Variants in FAM149A observed in about 807,000 individuals in gnomAD.
FAM149A encodes the protein family with sequence similarity 149 member A.
A neutral mutation model predicts 78.2 loss-of-function variants in FAM149A; 71 were observed. The ratio of observed to expected loss-of-function variants is 0.91; its 90% CI spans 0.75 to 1.11. The LOEUF (loss-of-function observed/expected upper bound fraction) is 1.11. Among genes scored for constraint, FAM149A ranks in the 50% least tolerant of loss-of-function variants. FAM149A has a pLI of 0.00. For synonymous variants in FAM149A, 446 were observed against 410.5 expected, an observed-to-expected ratio of 1.09 and a Z score of -1.04; for missense variants, 1,036 against 971.0, an observed-to-expected ratio of 1.07 and a Z score of -0.89.
intron 1 of FAM149A, among the ~76,000 whole-genome samples, chr4:186,129,747 A>G (rs2099319779): frequency 6.6e-6 from 1 of 152,130 alleles, no homozygotes; most frequent in Non-Finnish European, 1.5e-5. Flanking sequence ...AGCTGCAAGC[A>G]ACGACTCTGT....
intron 8 of FAM149A, among the ~76,000 whole-genome samples, chr4:186,160,256 A>C (rs1277125851): frequency 7.2e-6 from 1 of 139,316 alleles, no homozygotes; most frequent in Non-Finnish European, 1.5e-5. Context: ...TCACACACAC[A>C]CTGCACACAC....
intron 1 of FAM149A, among the ~76,000 whole-genome samples, chr4:186,147,263 G>A (rs957449801): frequency 1.6e-4 from 25 of 152,302 alleles, no homozygotes; most frequent in Non-Finnish European, 2.2e-4. Context: ...GACACCTGTA[G>A]TCCCAGCTAC....
intron 5 of FAM149A, 124 bp from the exon 6 acceptor site, chr4:186,154,344 C>G: frequency 2.7e-6 from 2 of 751,524 alleles, no homozygotes; most frequent in Non-Finnish European, 4.0e-6. Flanking sequence ...ATGTAATATT[C>G]AACCGTTTTG....
At chr4:186,127,273 C>T (rs1283577036) in intron 1 of FAM149A, 10 of 979,078 alleles carry the variant, frequency 1.0e-5, no homozygotes, top group Non-Finnish European at 1.2e-5. Context: ...GCTTCGGTTT[C>T]TTCCGGAGAG....
In FAM149A at chr4:186,109,549, C is replaced by T. The variant is rs992160553; in HGVS notation, c.566+3907C>T. ...GCTGAGTAATTCTGGGCAGGTCATTCATTTCTTCCCTAGCTGTAGTTTTTC... is the reference window on the plus strand; with the variant it reads ...GCTGAGTAATTCTGGGCAGGTCATTTATTTCTTCCCTAGCTGTAGTTTTTC... On this transcript the variant is annotated intron_variant, in intron 1 of 13. Coordinates refer to ENST00000389354, the MANE Select transcript of FAM149A (RefSeq NM_001367768.3). The T allele has an allele frequency of 1.7e-5, 17 of 985,264 alleles. 1 individual carries two copies. The highest frequency in any genetic ancestry group is 2.0e-5 in the Non-Finnish European group (17 of 829,926). 61.0% of individuals were successfully genotyped at this position (985,264 alleles called of 1,614,324 possible).
At chr4:186,129,960 G>A (rs978068336) in intron 1 of FAM149A, 1 of 152,148 alleles carries the variant, frequency 6.6e-6, no homozygotes, top group African/African-American at 2.4e-5. Flanking sequence ...CACTCTGTGA[G>A]AAGATATAAG....
chr4:186,166,842 A>T (rs1735072199), intron 11 of FAM149A, 126 bp from the exon 12 acceptor site: 1 of 792,824 alleles, frequency 1.3e-6, no homozygotes, highest in East Asian at 2.6e-5. Context: ...AGGAGACCTG[A>T]TCCTTAGTAA....
chr4:186,170,653 AG>A (rs1343760612), intron 13 of FAM149A, among the ~76,000 whole-genome samples: 2 of 152,204 alleles, frequency 1.3e-5, no homozygotes, highest in African/African-American at 4.8e-5. Flanking sequence ...CCCGACAGGC[AG>A]GTGGTGTGCA....
chr4:186,148,341 G>A (rs1208248156), intron 1 of FAM149A, among the ~76,000 whole-genome samples: 1 of 152,044 alleles, frequency 6.6e-6, no homozygotes, highest in Non-Finnish European at 1.5e-5. Context: ...ATTTTAGAGT[G>A]GTGTTCTAAC....
At chr4:186,159,766 G>C (rs975211245) in intron 8 of FAM149A, among the ~76,000 whole-genome samples, 2 of 152,062 alleles carry the variant, frequency 1.3e-5, no homozygotes, top group African/African-American at 2.4e-5. Context: ...GGATACACTT[G>C]TTCACGCGAG....
intron 13 of FAM149A, among the ~76,000 whole-genome samples, chr4:186,168,138 A>G (rs1249645896): frequency 6.6e-6 from 1 of 152,210 alleles, no homozygotes; most frequent in Non-Finnish European, 1.5e-5. Context: ...CGCTGTCCAC[A>G]TCAGCCCTCC....
At chr4:186,134,465 C>G in intron 1 of FAM149A, among the ~76,000 whole-genome samples, 1 of 152,128 alleles carries the variant, frequency 6.6e-6, no homozygotes, top group Non-Finnish European at 1.5e-5. Context: ...AGAACACAGT[C>G]ATCCTGAGAG....
At chr4:186,143,431 ATATACATG>A (rs1732700627) in intron 1 of FAM149A, among the ~76,000 whole-genome samples, 1 of 152,012 alleles carries the variant, frequency 6.6e-6, no homozygotes, top group Non-Finnish European at 1.5e-5. Flanking sequence ...ACATATACAC[ATATACATG>A]TATCAGGATT....
chr4:186,124,950 G>A (rs148624189), intron 1 of FAM149A, among the ~76,000 whole-genome samples: 6,308 of 152,128 alleles, frequency 0.041, 181 homozygotes, highest in Non-Finnish European at 0.064. Flanking sequence ...TTTAATGATC[G>A]CCATTCTAAC....
chr4:186,145,185 C>G, intron 1 of FAM149A: 2 of 977,990 alleles, frequency 2.0e-6, no homozygotes, highest in Non-Finnish European at 2.4e-6. Flanking sequence ...TCTCCGCCCG[C>G]GGGCCGGCTG....
At chr4:186,159,574 T>C (rs1734346312) in intron 8 of FAM149A, among the ~76,000 whole-genome samples, 1 of 152,024 alleles carries the variant, frequency 6.6e-6, no homozygotes, top group Non-Finnish European at 1.5e-5. Flanking sequence ...TTAGCTTTTC[T>C]GAACTTTAGT....
At chr4:186,105,712 C>CA in intron 1 of FAM149A, 70 bp downstream of exon 1, 1 of 980,516 alleles carries the variant, frequency 1.0e-6, no homozygotes, top group Non-Finnish European at 1.2e-6. Flanking sequence ...CTGCCGCACT[C>CA]ACCTTCGCAG....
At chr4:186,137,020 A>C (rs112859829) in intron 1 of FAM149A, among the ~76,000 whole-genome samples, 966 of 94,580 alleles carry the variant, frequency 0.01, 29 homozygotes, top group African/African-American at 0.039. Flanking sequence ...CTCTCTCTCT[A>C]AGTGCTTAAA....
chr4:186,155,762 C>T (rs946917169), intron 6 of FAM149A, among the ~76,000 whole-genome samples: 1 of 151,124 alleles, frequency 6.6e-6, no homozygotes, highest in African/African-American at 2.4e-5. Flanking sequence ...AAGCTCAGAG[C>T]CGAAATAAAT....
Sources: allele counts gnomAD v4.1 joint callset (sites outside exome capture counted in the v4.1 genomes callset), GRCh38; gene constraint gnomAD v4.1.1; transcripts MANE v1.5; gene names NCBI Gene and HGNC (gene_info 2026-07-23, HGNC 2026-07-21).